The following ANXA11 variants were observed in gnomAD, a reference collection of about 807,000 sequenced individuals.
ANXA11 encodes 56 kDa autoantigen.
In ANXA11, 57 loss-of-function variants were observed where a neutral mutation model predicts 64.7. The ratio of observed to expected loss-of-function variants is 0.88; its 90% CI spans 0.71 to 1.10. The LOEUF (loss-of-function observed/expected upper bound fraction) is 1.10. Among genes scored for constraint, ANXA11 ranks in the 50% least tolerant of loss-of-function variants. The pLI is 0.00. For synonymous variants in ANXA11, 260 were observed against 265.2 expected, an observed-to-expected ratio of 0.98 and a Z score of 0.19; for missense variants, 675 against 670.7, an observed-to-expected ratio of 1.01 and a Z score of -0.07.
chr10:80,170,028 C>T (rs1413480969), intron 4 of ANXA11, among the ~76,000 whole-genome samples: 1 of 152,126 alleles, frequency 6.6e-6, no homozygotes, highest in African/African-American at 2.4e-5. Flanking sequence ...CACCTTACTG[C>T]TAACTTAAAA....
At chr10:80,162,403 ACCAG>A (rs1845550060) in intron 11 of ANXA11, among the ~76,000 whole-genome samples, 2 of 152,238 alleles carry the variant, frequency 1.3e-5, no homozygotes, top group South Asian at 4.1e-4. Context: ...AATGGATGTT[ACCAG>A]CCAGAGAGAC....
intron 1 of ANXA11, among the ~76,000 whole-genome samples, chr10:80,186,791 A>C (rs1180445970): frequency 3.3e-5 from 5 of 152,204 alleles, no homozygotes; most frequent in Non-Finnish European, 5.9e-5. Flanking sequence ...ACGCAGACCG[A>C]GAGCACACAG....
In ANXA11 at chr10:80,157,734, A is replaced by G; in HGVS notation, c.1365T>C (p.Ile455=). ...TCTCGCTGCGAGACACCATGATGCG[A>G]ATCAGGGTCCGGTCCTTTGTTCCTG... ...RGAGTKDRTL[I]RIMVSRSETD... is the part of the protein sequence containing the mutation. Residue 455 remains isoleucine (I), a synonymous_variant, in exon 15 of 16, where the codon ATT becomes ATC. Transcript: ENST00000422982. 1 of 1,613,870 alleles carries G rather than the reference A, an allele frequency of 6.2e-7. No individual in the cohort carries two copies. Among genetic ancestry groups the G allele is most frequent in the South Asian group, 1.1e-5 (1 of 91,060 alleles).
chr10:80,185,416 G>T (rs1846503366), intron 1 of ANXA11, among the ~76,000 whole-genome samples: 3 of 152,230 alleles, frequency 2.0e-5, no homozygotes, highest in Admixed American at 2.0e-4. Context: ...AAGAGCAAGA[G>T]ATTAGTTGCC....
chr10:80,187,309 C>T lies in ANXA11; in HGVS notation c.-57-11154G>A, dbSNP rs1488572224. ...CCTTATAAAAGAGATCCCAGAGGGC[C>T]CAACCCTTTCCACCATGTGGGGACA... is the stretch of plus-strand genomic sequence containing the variant. On this transcript the variant is annotated intron_variant, in intron 1 of 15. Coordinates refer to ENST00000422982, the MANE Select transcript of ANXA11 (RefSeq NM_145868.2). Among the ~76,000 whole-genome samples, 4 of 152,162 alleles carry T rather than the reference C, an allele frequency of 2.6e-5. 1 individual carries two copies. The highest frequency in any genetic ancestry group is 5.9e-5 in the Non-Finnish European group (4 of 68,032).
rs778024812 is a variant in ANXA11 at position 80,169,280 on chromosome 10, G to A, written c.250C>T (p.Pro84Ser). The change falls in exon 5 of 16, where the codon CCA becomes TCA. Residue 84 changes from proline to serine, a missense_variant. Physicochemically the swap from Pro to Ser is moderately conservative, Grantham distance 74. Coordinates refer to ENST00000422982, the MANE Select transcript of ANXA11 (RefSeq NM_145868.2). ...YPGAPGAGYP[P>S]VPPGGFGQPP... The stretch of plus-strand genomic sequence containing the variant: ...TGCCCAAAGCCGCCAGGGGGCACTG[G>A]TGGGTAGCCAGCCCCAGGGGCCCCA... The A allele has an allele frequency of 3.1e-6, 5 of 1,611,910 alleles. No individual in the cohort carries two copies. Among genetic ancestry groups the A allele is most frequent in the Non-Finnish European group, 2.5e-6 (3 of 1,179,744 alleles).
chr10:80,171,536 G>A, intron 3 of ANXA11: 1 of 832,456 alleles, frequency 1.2e-6, no homozygotes, highest in Non-Finnish European at 1.4e-6. Context: ...ACCCTCCTTA[G>A]GCTTGTTTCC....
chr10:80,197,916 T>C (rs1204552655), intron 1 of ANXA11, among the ~76,000 whole-genome samples: 1 of 146,794 alleles, frequency 6.8e-6, no homozygotes, highest in Non-Finnish European at 1.5e-5. Context: ...AGAGTGAGAC[T>C]CCGTCTCAAA....
intron 1 of ANXA11, among the ~76,000 whole-genome samples, chr10:80,199,161 A>T (rs1346333854): frequency 6.7e-6 from 1 of 148,334 alleles, no homozygotes; most frequent in Non-Finnish European, 1.5e-5. Flanking sequence ...CAGTGGCACG[A>T]TCTCGGCTCC....
At chr10:80,205,794 T>C (rs1840655769), upstream of ANXA11, among the ~76,000 whole-genome samples, 1 of 152,190 alleles carries the variant, frequency 6.6e-6, no homozygotes, top group Non-Finnish European at 1.5e-5. Flanking sequence ...TCCAGCCCCG[T>C]GTGCGTCGGT....
intron 1 of ANXA11, among the ~76,000 whole-genome samples, chr10:80,180,008 C>T (rs145833312): frequency 2.0e-5 from 3 of 152,152 alleles, no homozygotes; most frequent in South Asian, 2.1e-4. Context: ...CTGGTGAATG[C>T]CAAAAGCATA....
intron 1 of ANXA11, among the ~76,000 whole-genome samples, chr10:80,187,529 G>A (rs1045705434): frequency 1.3e-5 from 2 of 151,174 alleles, no homozygotes; most frequent in East Asian, 1.9e-4. Context: ...AAGGATGCAC[G>A]CGCATGTGCG....
chr10:80,194,384 CTACA>C (rs1196276893), intron 1 of ANXA11, among the ~76,000 whole-genome samples: 1 of 152,146 alleles, frequency 6.6e-6, no homozygotes, highest in Non-Finnish European at 1.5e-5. Context: ...AGGGGCTGGG[CTACA>C]CCCCCTAGGA....
chr10:80,176,578 A>T lies in ANXA11; in HGVS notation c.-57-423T>A, dbSNP rs542078399. ...ATTAAACAACTTTTAAAAAGGCCCAATTCAGGTGCAGATTTCTGAGCTCAC... is the reference window on the plus strand; with the variant it reads ...ATTAAACAACTTTTAAAAAGGCCCATTTCAGGTGCAGATTTCTGAGCTCAC... On this transcript the variant is annotated intron_variant, in intron 1 of 15. Transcript: ENST00000422982. Among the ~76,000 whole-genome samples, 4 of 152,328 alleles carry T rather than the reference A, an allele frequency of 2.6e-5. No homozygotes were observed. The East Asian group carries it at 7.7e-4, about 29-fold the overall frequency.
In ANXA11 at chr10:80,167,972, G is replaced by A. The variant is rs114534184; in HGVS notation, c.562-659C>T. Among the ~76,000 whole-genome samples the A allele has an allele frequency of 5.1e-3, 784 of 152,290 alleles. 7 individuals carry two copies. Among genetic ancestry groups the A allele is most frequent in the African/African-American group, 0.018 (757 of 41,564 alleles). On this transcript the variant is annotated intron_variant, in intron 5 of 15. Coordinates refer to ENST00000422982, the MANE Select transcript of ANXA11 (RefSeq NM_145868.2). The stretch of plus-strand genomic sequence containing the variant: ...ATAACACAATTAAGAGGGCAGCTCA[G>A]GGAAAAGATAAGGGAGGGAGGCTGG...
At chr10:80,163,510 C>T (rs371221188) in intron 10 of ANXA11, 24 bp downstream of exon 10, 59 of 1,592,614 alleles carry the variant, frequency 3.7e-5, no homozygotes, top group Non-Finnish European at 4.9e-5. Context: ...TTGGGGGCCC[C>T]GAGCCCTGTC....
Position 80,166,958 on chromosome 10 carries a change from A to T in ANXA11, c.676T>A (p.Cys226Ser), listed in dbSNP as rs147839760. ...TGCTTGTTGGAGCGACTCCCCAGGC[A>T]GTCAATGATGGCCTGCTCATCCGTC... is the stretch of plus-strand genomic sequence containing the variant. ...FGTDEQAIID[C>S]LGSRSNKQRQ... Residue 226 changes from cysteine (C) to serine (S), a missense_variant, in exon 7 of 16, where the codon TGC becomes AGC. Transcript: ENST00000422982. 4 of 1,606,938 alleles carry T rather than the reference A, an allele frequency of 2.5e-6. No homozygotes were observed. In the African/African-American group the frequency reaches 5.4e-5, roughly 22 times the overall value.
At chr10:80,185,713 G>T (rs1846512799) in intron 1 of ANXA11, among the ~76,000 whole-genome samples, 1 of 152,192 alleles carries the variant, frequency 6.6e-6, no homozygotes, top group South Asian at 2.1e-4. Flanking sequence ...TCTCATATCA[G>T]AAATGAAGAC....
intron 1 of ANXA11, among the ~76,000 whole-genome samples, chr10:80,190,464 T>C (rs1364280104): frequency 6.6e-6 from 1 of 151,438 alleles, no homozygotes; most frequent in Non-Finnish European, 1.5e-5. Flanking sequence ...TACATAATTA[T>C]AAATGTTAAT....
Sources: allele counts gnomAD v4.1 joint callset (sites outside exome capture counted in the v4.1 genomes callset), GRCh38; gene constraint gnomAD v4.1.1; transcripts MANE v1.5; gene names NCBI Gene and HGNC (gene_info 2026-07-23, HGNC 2026-07-21).